The following PARD3B variants were observed in gnomAD, a reference collection of about 807,000 sequenced individuals.
PARD3B encodes partitioning defective 3 homolog B.
A neutral mutation model predicts 130.2 loss-of-function variants in PARD3B; 103 were observed. That is an observed-to-expected ratio of 0.79 (90% confidence interval 0.67 to 0.93). PARD3B has a LOEUF of 0.93. Among genes scored for constraint, PARD3B ranks in the 40% least tolerant of loss-of-function variants. PARD3B has a pLI of 0.00. For missense variants in PARD3B, 1,609 were observed against 1,499.2 expected (o/e 1.07, Z -1.21); for synonymous variants, 583 against 553.2 (o/e 1.05, Z -0.76).
chr2:205,122,004 T>A lies in PARD3B; in HGVS notation c.1165+55T>A, dbSNP rs985565322. 1.4e-6 allele frequency: 2 copies of A among 1,416,866 alleles called. No homozygotes were observed. Among genetic ancestry groups the A allele is most frequent in the African/African-American group, 1.4e-5 (1 of 69,966 alleles). The allele number at this position is 1,416,866 out of a possible 1,614,324, so 87.8% of individuals were successfully genotyped here. A position where few individuals can be genotyped will look rare whatever the true frequency, so the allele number is the denominator to read the frequency against. On this transcript the variant is annotated intron_variant, in intron 8 of 22. Transcript: ENST00000406610. This position sits in a 1 kb window ranked among gnomAD's most constrained non-coding sequence, Gnocchi z 4.3. ...CTATTATTGTAACATGTAAAATTGGTTAAGAGAAATGCATTAAGGCTAATT... is the reference window on the plus strand; with the variant it reads ...CTATTATTGTAACATGTAAAATTGGATAAGAGAAATGCATTAAGGCTAATT...
chr2:205,527,588 C>A (rs963881576), intron 21 of PARD3B, among the ~76,000 whole-genome samples: 1 of 152,124 alleles, frequency 6.6e-6, no homozygotes, highest in Non-Finnish European at 1.5e-5. Context: ...CCATAGAAAA[C>A]CTCCCAGAGG....
chr2:204,671,164 T>C (rs1164550394), intron 1 of PARD3B, among the ~76,000 whole-genome samples: 1 of 151,988 alleles, frequency 6.6e-6, no homozygotes, highest in African/African-American at 2.4e-5. Context: ...GGGAGGAGGG[T>C]TGAGTGTAAG....
intron 10 of PARD3B, among the ~76,000 whole-genome samples, chr2:205,151,193 A>G (rs536548372): frequency 5.3e-5 from 8 of 152,252 alleles, no homozygotes; most frequent in East Asian, 3.9e-4. Flanking sequence ...TATGTGGTCA[A>G]TTTTGGAATA....
At chr2:204,790,852 A>G (rs988551481) in intron 2 of PARD3B, among the ~76,000 whole-genome samples, 1 of 152,166 alleles carries the variant, frequency 6.6e-6, no homozygotes, top group Non-Finnish European at 1.5e-5. Flanking sequence ...CGCCTGTAAT[A>G]CCAGCCCTTT....
rs536488028 is a variant in PARD3B at position 204,564,405 on chromosome 2, T to C, written c.120+18286T>C. Among the ~76,000 whole-genome samples the C allele has an allele frequency of 2.0e-5, 3 of 152,276 alleles. No individual in the cohort carries two copies. The East Asian group carries it at 5.8e-4, about 29-fold the overall frequency. On this transcript the variant is annotated intron_variant, in intron 1 of 22. Transcript: ENST00000406610. ...AGAGTGTATCATGTGGCAGAGATGA[T>C]GGAAGTACAAGCATTGTAGTAGTTC...
At chr2:204,937,134 C>G (rs898592771) in intron 2 of PARD3B, among the ~76,000 whole-genome samples, 4 of 152,196 alleles carry the variant, frequency 2.6e-5, no homozygotes, top group Non-Finnish European at 5.9e-5. Flanking sequence ...GAACCATTGA[C>G]CTCGGATGAT....
intron 2 of PARD3B, among the ~76,000 whole-genome samples, chr2:204,771,035 C>T (rs554211991): frequency 6.6e-5 from 10 of 152,150 alleles, no homozygotes; most frequent in Non-Finnish European, 1.3e-4. Context: ...TTTAGCAAAT[C>T]GCTGGTGTTA....
chr2:204,806,614 G>A (rs956044262), intron 2 of PARD3B, among the ~76,000 whole-genome samples: 9 of 152,054 alleles, frequency 5.9e-5, no homozygotes, highest in Non-Finnish European at 1.2e-4. Context: ...TACTTCACAA[G>A]CACAGGCAAC....
intron 18 of PARD3B, among the ~76,000 whole-genome samples, chr2:205,317,596 G>A (rs866040667): frequency 3.3e-5 from 5 of 152,018 alleles, no homozygotes; most frequent in African/African-American, 7.2e-5. Context: ...TGGGCCAGTC[G>A]ATCACCCTAT....
At position 205,499,982 on chromosome 2, in the gene PARD3B, A is replaced by G. The variant is rs766575623; in HGVS notation, c.3131A>G (p.Tyr1044Cys). The change falls in exon 21 of 23, where the codon TAT becomes TGT. Residue 1044 changes from tyrosine to cysteine, a missense_variant. Transcript: ENST00000406610. ...YQARREGFPL[Y>C]EDDEGRARPS... is the part of the protein sequence containing the mutation. ...GCTCGGAGGGAAGGTTTCCCTTTAT[A>G]TGAAGACGACGAAGGAAGAGCAAGG... 3 of 1,613,846 alleles carry G rather than the reference A, an allele frequency of 1.9e-6. No homozygotes were observed. The highest frequency in any genetic ancestry group is 2.5e-6 in the Non-Finnish European group (3 of 1,179,836).
intron 3 of PARD3B, among the ~76,000 whole-genome samples, chr2:204,968,107 T>G (rs1691409878): frequency 6.6e-6 from 1 of 152,202 alleles, no homozygotes; most frequent in African/African-American, 2.4e-5. Flanking sequence ...GCTTAATTTT[T>G]TACTGGTTTT....
intron 1 of PARD3B, among the ~76,000 whole-genome samples, chr2:204,581,924 C>T (rs1249923742): frequency 1.3e-5 from 2 of 152,090 alleles, no homozygotes; most frequent in African/African-American, 2.4e-5. Flanking sequence ...TTATTTTAAC[C>T]CCTTTGAGAC....
chr2:205,576,936 C>T (rs1241695836), intron 22 of PARD3B, among the ~76,000 whole-genome samples: 1 of 152,144 alleles, frequency 6.6e-6, no homozygotes, highest in East Asian at 1.9e-4. Context: ...CATGGAATGT[C>T]TCTCCATTTA....
chr2:205,146,015 T>A lies in PARD3B; in HGVS notation c.1435-12707T>A, dbSNP rs1267782479. ...AATGGGCACAGCCTTGGGCCAGACC[T>A]CCTGGGGAAGCGCCAGCAGCCTGTG... On this transcript the variant is annotated intron_variant, in intron 10 of 22. Coordinates refer to ENST00000406610, the MANE Select transcript of PARD3B (RefSeq NM_001302769.2). This position sits in a 1 kb window ranked among gnomAD's most constrained non-coding sequence, Gnocchi z 4.3. Among the ~76,000 whole-genome samples the A allele has an allele frequency of 6.6e-6, 1 of 152,122 alleles. No homozygotes were observed. The highest frequency in any genetic ancestry group is 6.5e-5 in the Admixed American group (1 of 15,272).
chr2:205,104,685 A>T (rs1703074750), intron 5 of PARD3B, among the ~76,000 whole-genome samples, 171 bp downstream of exon 5: 1 of 152,208 alleles, frequency 6.6e-6, no homozygotes, highest in African/African-American at 2.4e-5. Flanking sequence ...TGTTTTCTTC[A>T]TATGAGAACT....
intron 18 of PARD3B, among the ~76,000 whole-genome samples, chr2:205,339,384 A>G (rs4673320): frequency 0.59 from 90,416 of 152,056 alleles, 30,566 homozygotes; most frequent in South Asian, 0.77. Context: ...AATAATTGAC[A>G]CAACTCAGGT....
rs1369743965 is a variant in PARD3B at position 204,677,808 on chromosome 2, A to G, written c.121-8373A>G. On this transcript the variant is annotated intron_variant, in intron 1 of 22. Coordinates refer to ENST00000406610, the MANE Select transcript of PARD3B (RefSeq NM_001302769.2). This position sits in a 1 kb window ranked among gnomAD's most constrained non-coding sequence, Gnocchi z 4.1. The stretch of plus-strand genomic sequence containing the variant: ...TGGTAGTCAGTTAGCTACATGTTCT[A>G]TTGGTAGGATAACCTGGCCTTCCCA... Among the ~76,000 whole-genome samples, 1 of 152,170 alleles carries G rather than the reference A, an allele frequency of 6.6e-6. No homozygotes were observed. Among genetic ancestry groups the G allele is most frequent in the African/African-American group, 2.4e-5 (1 of 41,436 alleles).
chr2:205,105,104 G>A lies in PARD3B; in HGVS notation c.593+590G>A, dbSNP rs145453732. ...TCTAGGTAGTGCCTGGGTTCATATC[G>A]CAGCTATGCCTCTTTACTAGTCCTG... On this transcript the variant is annotated intron_variant, in intron 5 of 22. Coordinates refer to ENST00000406610, the MANE Select transcript of PARD3B (RefSeq NM_001302769.2). The surrounding 1 kb of genome is among the most constrained non-coding windows in gnomAD (Gnocchi z 4.0). 4.6e-5 allele frequency among the ~76,000 whole-genome samples: 7 copies of A among 152,186 alleles called. No homozygotes were observed. The highest frequency in any genetic ancestry group is 2.1e-4 in the South Asian group (1 of 4,820).
At chr2:205,358,592 A>T (rs76289373) in intron 18 of PARD3B, among the ~76,000 whole-genome samples, 4,922 of 152,278 alleles carry the variant, frequency 0.032, 124 homozygotes, top group Non-Finnish European at 0.047. Flanking sequence ...TTCACTCTAA[A>T]CATACGCTAA....
Sources: gnomAD v4.1 joint callset for allele counts (sites outside exome capture counted in the v4.1 genomes callset) on GRCh38, gnomAD v4.1.1 for gene constraint, Gnocchi (gnomAD v3.1) non-coding constraint, MANE v1.5 for transcripts, NCBI Gene and HGNC (gene_info 2026-07-23, HGNC 2026-07-21) for gene names.